Variants in KPNA7 observed in about 807,000 individuals in gnomAD.
KPNA7 encodes importin subunit alpha-8.
In KPNA7, 54 loss-of-function variants were observed where a neutral mutation model predicts 53.7. The ratio of observed to expected loss-of-function variants is 1.01; its 90% confidence interval spans 0.81 to 1.26. KPNA7 has a LOEUF of 1.26. KPNA7 is among the 50% of genes most tolerant of loss of function. The probability of loss-of-function intolerance (pLI) is 0.00; values close to 1 mark genes in which losing one functional copy is unlikely to be tolerated. For missense variants in KPNA7, 640 were observed against 644.5 expected, an observed-to-expected ratio of 0.99 and a Z score of 0.07; for synonymous variants, 276 against 259.3, an observed-to-expected ratio of 1.06 and a Z score of -0.62.
chr7:99,185,164 T>C lies in KPNA7; in HGVS notation c.901-2A>G. On this transcript the variant is annotated splice_acceptor_variant, in intron 7 of 10. Transcript: ENST00000327442. LOFTEE classifies it high-confidence loss of function. The stretch of plus-strand genomic sequence containing the variant: ...CCCCACGGTGCGGAGAGAAGGAGTC[T>C]GGAAGAGCAAGGCTAGAAGTCTAAG... 1 of 1,547,152 alleles carries C rather than the reference T, an allele frequency of 6.5e-7. No homozygotes were observed. Among genetic ancestry groups the C allele is most frequent in the Non-Finnish European group, 8.8e-7 (1 of 1,142,524 alleles).
downstream of KPNA7, among the ~76,000 whole-genome samples, chr7:99,170,713 A>G (rs1210392738): frequency 6.6e-6 from 1 of 152,222 alleles, no homozygotes; most frequent in African/African-American, 2.4e-5. Context: ...ATAGGTTTCT[A>G]TTCAGGACAG....
At chr7:99,146,740 AAAAAAAAAC>A in the KPNA7 span, among the ~76,000 whole-genome samples, 1 of 100,622 alleles carries the variant, frequency 9.9e-6, no homozygotes, top group African/African-American at 3.3e-5. Context: ...AAAAAAAAAA[AAAAAAAAAC>A]AACGGAAAAT....
chr7:99,173,812 C>T lies in KPNA7; in HGVS notation c.1465-18G>A, dbSNP rs1270240787. ...TCTTCTTCCTTCAGGAGAGAATAGA[C>T]ACTGTTATACCTCCAGGATTCTCAG... On this transcript the variant is annotated intron_variant, in intron 10 of 10. Transcript: ENST00000327442. The T allele has an allele frequency of 2.1e-6, 3 of 1,403,332 alleles. No homozygotes were observed. Among genetic ancestry groups the T allele is most frequent in the Admixed American group, 4.0e-5 (2 of 50,398 alleles). 86.9% of individuals were successfully genotyped at this position (1,403,332 alleles called of 1,614,324 possible).
intron 3 of KPNA7, among the ~76,000 whole-genome samples, chr7:99,199,757 T>A (rs575085675): frequency 2.0e-5 from 3 of 152,196 alleles, no homozygotes; most frequent in East Asian, 1.9e-4. Flanking sequence ...AATTAAAAAA[T>A]TTTATGCTTC....
chr7:99,163,240 G>C, the KPNA7 span, among the ~76,000 whole-genome samples: 1 of 150,028 alleles, frequency 6.7e-6, no homozygotes, highest in Non-Finnish European at 1.5e-5. Flanking sequence ...AAAAATTATT[G>C]TATTGAAGTC....
At position 99,188,549 on chromosome 7, in the gene KPNA7, C is replaced by T; in HGVS notation, c.651G>A (p.Arg217=). 6.4e-7 allele frequency: 1 copy of T among 1,551,422 alleles called. No individual in the cohort carries two copies. The highest frequency in any genetic ancestry group is 8.7e-7 in the Non-Finnish European group (1 of 1,146,764). The stretch of plus-strand genomic sequence containing the variant: ...GATTCGACAAGGTCCACGTGATGTT[C>T]CGCAGAAATGTGATCTGTAACAAGG... ...ISPTLPITFL[R]NITWTLSNLC... is the part of the protein sequence containing the mutation. Residue 217 remains arginine (R), a synonymous_variant, in exon 7 of 11, where the codon CGG becomes CGA. Transcript: ENST00000327442.
chr7:99,157,167 T>C, the KPNA7 span, among the ~76,000 whole-genome samples: 5 of 152,306 alleles, frequency 3.3e-5, no homozygotes, highest in East Asian at 9.6e-4. Context: ...TCTGACTGTT[T>C]CTTCTGGGAA....
chr7:99,204,537 G>A (rs925716928), intron 2 of KPNA7, among the ~76,000 whole-genome samples: 2 of 152,174 alleles, frequency 1.3e-5, no homozygotes, highest in Non-Finnish European at 2.9e-5. Context: ...AAGTCACCAT[G>A]TATTAGATAC....
chr7:99,194,163 T>A (rs1382869111), intron 5 of KPNA7, among the ~76,000 whole-genome samples: 1 of 152,158 alleles, frequency 6.6e-6, no homozygotes, highest in East Asian at 1.9e-4. Flanking sequence ...AGGGACCTAA[T>A]TGAGTTTTCC....
intron 6 of KPNA7, among the ~76,000 whole-genome samples, chr7:99,189,133 A>T (rs147140983): frequency 6.6e-6 from 1 of 152,112 alleles, no homozygotes; most frequent in Non-Finnish European, 1.5e-5. Context: ...TGATGACCTA[A>T]TTTCATTTTT....
At chr7:99,153,549 C>CA in the KPNA7 span, among the ~76,000 whole-genome samples, 33,140 of 117,406 alleles carry the variant, frequency 0.28, 3,911 homozygotes, top group South Asian at 0.38. Context: ...GACACTGTCT[C>CA]AAAAAAAAAA....
At chr7:99,213,426 CT>C (rs773541005) in intron 1 of KPNA7, among the ~76,000 whole-genome samples, 8 of 99,324 alleles carry the variant, frequency 8.1e-5, no homozygotes, top group South Asian at 3.9e-4. Context: ...TGCACCTGGC[CT>C]TTTAAAAAAA....
At chr7:99,166,349 T>C in the KPNA7 span, among the ~76,000 whole-genome samples, 15 of 152,186 alleles carry the variant, frequency 9.9e-5, no homozygotes, top group African/African-American at 3.4e-4. Flanking sequence ...TGAGATGGTC[T>C]CCGTCATCCA....
At chr7:99,205,435 A>AG (rs1790756461) in intron 2 of KPNA7, among the ~76,000 whole-genome samples, 3 of 132,612 alleles carry the variant, frequency 2.3e-5, no homozygotes, top group African/African-American at 8.1e-5. Context: ...AAAAAAAAAA[A>AG]GTGATTTTGT....
chr7:99,173,445 G>A (rs560605888), downstream of KPNA7: 82 of 250,254 alleles, frequency 3.3e-4, 6 homozygotes, highest in South Asian at 5.1e-3. Context: ...CACCCACCTT[G>A]GCCTCCCAAA....
At chr7:99,167,891 T>C in the KPNA7 span, among the ~76,000 whole-genome samples, 1 of 152,232 alleles carries the variant, frequency 6.6e-6, no homozygotes, top group East Asian at 1.9e-4. Context: ...TTCTACATGA[T>C]GGTGAGTTAT....
At chr7:99,179,234 A>C (rs10235089) in intron 9 of KPNA7, among the ~76,000 whole-genome samples, 3,505 of 152,012 alleles carry the variant, frequency 0.023, 136 homozygotes, top group African/African-American at 0.081. Flanking sequence ...TACTTTGAAG[A>C]TTTTCAGATG....
At chr7:99,149,413 C>T in the KPNA7 span, among the ~76,000 whole-genome samples, 2 of 152,168 alleles carry the variant, frequency 1.3e-5, no homozygotes, top group South Asian at 4.1e-4. Context: ...ATTCTCCAAG[C>T]CTTGCTTTGC....
At chr7:99,183,539 C>G (rs6963333) in intron 8 of KPNA7, among the ~76,000 whole-genome samples, 141,738 of 152,250 alleles carry the variant, frequency 0.93, 66,054 homozygotes, top group Non-Finnish European at 0.96. Flanking sequence ...TGCAGGACCA[C>G]AAGTACTGAA....
Sources: allele counts gnomAD v4.1 joint callset (sites outside exome capture counted in the v4.1 genomes callset), GRCh38; gene constraint gnomAD v4.1.1; transcripts MANE v1.5; gene names NCBI Gene and HGNC (gene_info 2026-07-23, HGNC 2026-07-21).